The following HIVEP1 variants were observed in gnomAD, a reference collection of about 807,000 sequenced individuals.
HIVEP1 encodes the protein zinc finger protein 40.
Under a neutral mutation model 180.0 loss-of-function variants are expected in HIVEP1, and 36 were observed. That is an observed-to-expected ratio of 0.20 (90% CI 0.15 to 0.26). The LOEUF (loss-of-function observed/expected upper bound fraction) is 0.26, where lower values mean the gene tolerates loss of function less well. Among genes scored for constraint, HIVEP1 ranks in the 10% least tolerant of loss-of-function variants. HIVEP1 has a pLI of 1.00. For missense variants in HIVEP1, 3,143 were observed against 3,268.7 expected (o/e 0.96, Z 0.94); for synonymous variants, 1,239 against 1,239.0 (o/e 1.00, Z 0.00).
At chr6:12,140,648 A>G (rs1339554231) in intron 7 of HIVEP1, among the ~76,000 whole-genome samples, 1 of 152,254 alleles carries the variant, frequency 6.6e-6, no homozygotes, top group African/African-American at 2.4e-5. Context: ...ATGGCTAACT[A>G]GAATAAACAG....
chr6:12,168,363 TATAC>T (rs1760814508), downstream of HIVEP1, among the ~76,000 whole-genome samples: 11 of 130,092 alleles, frequency 8.5e-5, no homozygotes, highest in East Asian at 2.3e-4. Flanking sequence ...GTATATATTA[TATAC>T]ATATACATGT....
At position 12,122,217 on chromosome 6, in the gene HIVEP1, G is replaced by A; in HGVS notation, c.2422G>A (p.Asp808Asn). 1.2e-6 allele frequency: 2 copies of A among 1,614,208 alleles called. No homozygotes were observed. Among genetic ancestry groups the A allele is most frequent in the Non-Finnish European group, 1.7e-6 (2 of 1,180,034 alleles). ...GGGACGGAGAACAAGTTCAAGCTCT[G>A]ATATACCGAAGTCACCTTTCACCCC... is the stretch of plus-strand genomic sequence containing the variant. ...PVGRRTSSSS[D>N]IPKSPFTPTE... The change falls in exon 4 of 9, where the codon GAT becomes AAT. Residue 808 changes from aspartate to asparagine, a missense_variant. By Grantham distance (23) the Asp-to-Asn change is conservative. Around this residue, in one of 12 missense-constraint regions of HIVEP1, gnomAD observed 204 missense variants for 243.7 expected, o/e 0.84. Transcript: ENST00000379388.
intron 3 of HIVEP1, among the ~76,000 whole-genome samples, chr6:12,104,396 T>TCTCTC (rs1774295009): frequency 7.9e-6 from 1 of 126,642 alleles, no homozygotes. Context: ...CTCTCTTCGT[T>TCTCTC]TCTCTCTCTC....
chr6:12,167,085 T>C (rs1442774894), downstream of HIVEP1, among the ~76,000 whole-genome samples: 1 of 152,204 alleles, frequency 6.6e-6, no homozygotes, highest in Non-Finnish European at 1.5e-5. Flanking sequence ...AATTAACCGA[T>C]GGTATTGAAT....
intron 2 of HIVEP1, among the ~76,000 whole-genome samples, chr6:12,084,798 G>C (rs1773011538): frequency 6.6e-6 from 1 of 151,994 alleles, no homozygotes; most frequent in South Asian, 2.1e-4. Flanking sequence ...AGGACGTACG[G>C]GTGCTAGCGC....
chr6:12,068,027 G>A (rs1225941654), intron 2 of HIVEP1, among the ~76,000 whole-genome samples: 1 of 152,050 alleles, frequency 6.6e-6, no homozygotes, highest in Non-Finnish European at 1.5e-5. Context: ...TGGTGAGGGG[G>A]CTGTGCTTTA....
the HIVEP1 span, among the ~76,000 whole-genome samples, chr6:12,196,146 G>C: frequency 6.6e-6 from 1 of 152,180 alleles, no homozygotes; most frequent in Non-Finnish European, 1.5e-5. Context: ...TTTTTGTATT[G>C]AAATATGTGA....
intron 2 of HIVEP1, chr6:12,020,188 C>T: frequency 2.4e-6 from 1 of 410,768 alleles, no homozygotes; most frequent in Non-Finnish European, 5.1e-6. Context: ...AGTCTCTTCA[C>T]CCTTGGCCCA....
chr6:12,118,294 G>C (rs546421522), intron 3 of HIVEP1, among the ~76,000 whole-genome samples: 5 of 152,230 alleles, frequency 3.3e-5, no homozygotes, highest in African/African-American at 1.2e-4. Context: ...AGTTATTACA[G>C]TGTAGACATT....
rs765590068 is a variant in HIVEP1 at position 12,125,233 on chromosome 6, TGGAAAA to T, written c.5442_5447del (p.Glu1814_Lys1815del). 1.2e-6 allele frequency: 2 copies of T among 1,614,192 alleles called. No individual in the cohort carries two copies. The highest frequency in any genetic ancestry group is 1.7e-6 in the Non-Finnish European group (2 of 1,180,042). ...ACAGAGCCCCTGGACGGTGTGATGTTGGAAAAGGATGTTTTTTCTCAACCTGAAATT... is the reference window on the plus strand; with the variant it reads ...ACAGAGCCCCTGGACGGTGTGATGTTGGATGTTTTTTCTCAACCTGAAATT... On this transcript the variant is annotated inframe_deletion, in exon 4 of 9. Coordinates refer to ENST00000379388, the MANE Select transcript of HIVEP1 (RefSeq NM_002114.4).
rs181775020 is a variant in HIVEP1, at chr6:12,053,906, A to T, written c.41-35278A>T. On this transcript the variant is annotated intron_variant, in intron 2 of 8. Transcript: ENST00000379388. ...TTTACTTAAGGTCATTATTTTTTTCAATAAAGAATATGACAAATAGGATAA... is the reference window on the plus strand; with the variant it reads ...TTTACTTAAGGTCATTATTTTTTTCTATAAAGAATATGACAAATAGGATAA... 2.8e-3 allele frequency among the ~76,000 whole-genome samples: 431 copies of T among 152,318 alleles called. 3 individuals are homozygous for T. Among genetic ancestry groups the T allele is most frequent in the Middle Eastern group, 0.01 (3 of 294 alleles).
chr6:12,167,756 TA>T, downstream of HIVEP1, among the ~76,000 whole-genome samples: 1 of 128,734 alleles, frequency 7.8e-6, no homozygotes, highest in East Asian at 2.1e-4. Context: ...GCGTGTATAA[TA>T]TATACATGTA....
At chr6:12,117,441 C>T (rs946666408) in intron 3 of HIVEP1, among the ~76,000 whole-genome samples, 1 of 152,158 alleles carries the variant, frequency 6.6e-6, no homozygotes, top group Non-Finnish European at 1.5e-5. Context: ...AATAGTTTCT[C>T]TTATAAAGAA....
Position 12,164,694 on chromosome 6 carries a change from G to T in HIVEP1, c.*233G>T, listed in dbSNP as rs1033754741. ...ATGTTTAGAAACTGTACAGATTGTTGAATATCTATATACATAAAAATATAT... is the reference window on the plus strand; with the variant it reads ...ATGTTTAGAAACTGTACAGATTGTTTAATATCTATATACATAAAAATATAT... On this transcript the variant is annotated 3_prime_UTR_variant, in exon 9 of 9. Coordinates refer to ENST00000379388, the MANE Select transcript of HIVEP1 (RefSeq NM_002114.4). 7.8e-6 allele frequency: 3 copies of T among 382,730 alleles called. No individual in the cohort carries two copies. Among genetic ancestry groups the T allele is most frequent in the African/African-American group, 6.3e-5 (3 of 47,978 alleles). The allele number at this position is 382,730 out of a possible 1,614,324, so 23.7% of individuals were successfully genotyped here.
At chr6:12,011,667 T>G (rs1033715694), upstream of HIVEP1, among the ~76,000 whole-genome samples, 1 of 138,016 alleles carries the variant, frequency 7.2e-6, no homozygotes. Context: ...AAGCGGCGGG[T>G]AGGTGGCGGG....
chr6:12,007,828 TA>T (rs995328547), upstream of HIVEP1: 2 of 152,264 alleles, frequency 1.3e-5, no homozygotes, highest in African/African-American at 4.8e-5. Context: ...AGCGATCATG[TA>T]AATAACTGTA....
At position 12,124,911 on chromosome 6, in the gene HIVEP1, T is replaced by C. The variant is rs762014280; in HGVS notation, c.5116T>C (p.Cys1706Arg). Residue 1706 changes from cysteine (C) to arginine (R), a missense_variant, in exon 4 of 9, where the codon TGT becomes CGT. By Grantham distance (180) the Cys-to-Arg change is radical. Coordinates refer to ENST00000379388, the MANE Select transcript of HIVEP1 (RefSeq NM_002114.4). ...ALPNPEKEFL[C>R]ENVFSEMSQN... ...GCCAAACCCAGAGAAGGAATTTCTA[T>C]GTGAAAATGTTTTTTCAGAGATGAG... is the stretch of plus-strand genomic sequence containing the variant. The C allele has an allele frequency of 1.2e-5, 20 of 1,613,928 alleles. No individual in the cohort carries two copies. Among genetic ancestry groups the C allele is most frequent in the Non-Finnish European group, 8.5e-7 (1 of 1,180,002 alleles).
At chr6:12,085,421 A>G (rs894077317) in intron 2 of HIVEP1, among the ~76,000 whole-genome samples, 5 of 152,130 alleles carry the variant, frequency 3.3e-5, no homozygotes, top group African/African-American at 1.2e-4. Flanking sequence ...GCAAAGGGCA[A>G]AGAGGTAACT....
At chr6:12,184,895 G>A in the HIVEP1 span, among the ~76,000 whole-genome samples, 2 of 152,114 alleles carry the variant, frequency 1.3e-5, no homozygotes, top group African/African-American at 4.8e-5. Flanking sequence ...AAAAGCAGTG[G>A]AAGTCTCTAA....
Sources: allele counts gnomAD v4.1 joint callset (sites outside exome capture counted in the v4.1 genomes callset), GRCh38; gene constraint gnomAD v4.1.1; regional missense constraint gnomAD v4.1.1; transcripts MANE v1.5; gene names NCBI Gene and HGNC (gene_info 2026-07-23, HGNC 2026-07-21).